Variants in HTT observed in about 807,000 individuals in gnomAD.
HTT encodes the protein huntingtin.
Under a neutral mutation model 362.3 loss-of-function variants are expected in HTT, and 104 were observed. The observed-to-expected ratio is 0.29, with a 90% CI of 0.24 to 0.34. HTT has a LOEUF of 0.34. Among genes scored for constraint, HTT ranks in the 10% least tolerant of loss-of-function variants. The probability of loss-of-function intolerance (pLI) is 1.00; values close to 1 mark genes in which losing one functional copy is unlikely to be tolerated. For synonymous variants in HTT, 1,577 were observed against 1,548.7 expected, an observed-to-expected ratio of 1.02 and a Z score of -0.43; for missense variants, 3,301 against 3,928.6, an observed-to-expected ratio of 0.84 and a Z score of 4.27.
chr4:3,224,715 CTG>C (rs201714233), intron 56 of HTT, among the ~76,000 whole-genome samples: 2,179 of 152,344 alleles, frequency 0.014, 22 homozygotes, highest in Non-Finnish European at 0.022. Context: ...GCGTAGAGCT[CTG>C]TGATTCCGTA....
chr4:3,215,289 G>A (rs749987535), intron 51 of HTT, 78 bp downstream of exon 51: 142 of 1,065,540 alleles, frequency 1.3e-4, no homozygotes, highest in African/African-American at 3.1e-4. Context: ...CGTGCACCGC[G>A]GTGAGTGTGG....
chr4:3,223,089 CAG>C (rs767726846), intron 54 of HTT, among the ~76,000 whole-genome samples: 17 of 152,190 alleles, frequency 1.1e-4, no homozygotes, highest in Non-Finnish European at 1.2e-4. Context: ...TAGAAGCTAA[CAG>C]GGTGTCATAA....
intron 3 of HTT, among the ~76,000 whole-genome samples, 172 bp downstream of exon 3, chr4:3,099,566 G>T (rs1294380874): frequency 6.6e-6 from 1 of 151,122 alleles, no homozygotes. Flanking sequence ...GTGCTCTGTT[G>T]TATGGTTTGG....
chr4:3,132,769 GT>G (rs1180519830), intron 17 of HTT, 44 bp from the exon 18 acceptor site: 1 of 1,612,886 alleles, frequency 6.2e-7, no homozygotes, highest in Non-Finnish European at 8.5e-7. Context: ...GCTTACTAAG[GT>G]TTAAGTTTAG....
intron 54 of HTT, among the ~76,000 whole-genome samples, chr4:3,222,694 A>C (rs1578603480): frequency 6.6e-6 from 1 of 152,208 alleles, no homozygotes; most frequent in African/African-American, 2.4e-5. Context: ...CAATGGCTGG[A>C]ATGCATTTTA....
intron 24 of HTT, among the ~76,000 whole-genome samples, chr4:3,146,574 C>A (rs1173495596): frequency 6.6e-6 from 1 of 152,064 alleles, no homozygotes; most frequent in Non-Finnish European, 1.5e-5. Flanking sequence ...ACACTTAGGC[C>A]CCAATACTTT....
At chr4:3,094,604 C>T (rs1186673079) in intron 2 of HTT, among the ~76,000 whole-genome samples, 4 of 142,762 alleles carry the variant, frequency 2.8e-5, no homozygotes, top group East Asian at 2.1e-4. Flanking sequence ...ACCTCCCGGA[C>T]GGGGCGGCTG....
At chr4:3,233,675 T>C (rs563680556) in intron 61 of HTT, among the ~76,000 whole-genome samples, 19 of 152,330 alleles carry the variant, frequency 1.2e-4, no homozygotes, top group African/African-American at 4.1e-4. Flanking sequence ...AGAACCCTGT[T>C]ATTACCCAGG....
rs1277829732 is a variant in HTT at position 3,228,123 on chromosome 4, G to A, written c.7849-492G>A. Among the ~76,000 whole-genome samples the A allele has an allele frequency of 2.6e-5, 4 of 152,310 alleles. No individual in the cohort carries two copies. Among genetic ancestry groups the A allele is most frequent in the Non-Finnish European group, 4.4e-5 (3 of 68,020 alleles). On this transcript the variant is annotated intron_variant, in intron 57 of 66. Coordinates refer to ENST00000355072, the MANE Select transcript of HTT (RefSeq NM_001388492.1). This position sits in a 1 kb window ranked among gnomAD's most constrained non-coding sequence, Gnocchi z 4.3. ...CTGTGCCAAGTGCTCGAGGCTTCCCGAGAACCAGGCAGAAAGGAGGACAGT... is the reference window on the plus strand; with the variant it reads ...CTGTGCCAAGTGCTCGAGGCTTCCCAAGAACCAGGCAGAAAGGAGGACAGT...
At chr4:3,180,214 A>G (rs1047208203) in intron 35 of HTT, among the ~76,000 whole-genome samples, 2 of 152,150 alleles carry the variant, frequency 1.3e-5, no homozygotes, top group Admixed American at 6.5e-5. Context: ...GGAAAGTTTT[A>G]TCATTTTCAA....
At chr4:3,143,452 A>G (rs1424128369) in intron 23 of HTT, among the ~76,000 whole-genome samples, 3 of 149,696 alleles carry the variant, frequency 2.0e-5, no homozygotes, top group Non-Finnish European at 4.4e-5. Context: ...AAAAAAAAAA[A>G]AAAGAAAAGA....
intron 21 of HTT, among the ~76,000 whole-genome samples, chr4:3,138,030 C>T (rs897502204): frequency 8.6e-5 from 13 of 151,996 alleles, no homozygotes; most frequent in Admixed American, 4.6e-4. Context: ...AATTTTGGTA[C>T]TTACTGTGAA....
Position 3,240,784 on chromosome 4 carries a change from G to A in HTT, c.*725G>A, listed in dbSNP as rs1721770103. On this transcript the variant is annotated 3_prime_UTR_variant, in exon 67 of 67. Transcript: ENST00000355072. Reference sequence around the variant, plus strand: ...CTGTAGCCACTGGCATAGCCCTCCTGAGCACCCGCTGACATTTCCGTTGTA... The same window carrying A: ...CTGTAGCCACTGGCATAGCCCTCCTAAGCACCCGCTGACATTTCCGTTGTA... The A allele has an allele frequency of 6.5e-6, 1 of 152,842 alleles. No homozygotes were observed. Among genetic ancestry groups the A allele is most frequent in the African/African-American group, 2.4e-5 (1 of 41,456 alleles). 9.5% of individuals were successfully genotyped at this position (152,842 alleles called of 1,614,324 possible).
rs750176644 is a variant in HTT at position 3,212,680 on chromosome 4, A to G, written c.6745A>G (p.Ile2249Val). Residue 2249 changes from isoleucine to valine, a missense_variant, in exon 49 of 67, where the codon ATT becomes GTT. Ile to Val is a conservative substitution (Grantham distance 29). Coordinates refer to ENST00000355072, the MANE Select transcript of HTT (RefSeq NM_001388492.1). ...CCTTCCTCCTGAGAAAGAGAAGGACATTGTGAAATTCGTGGTGGCAACCCT... is the reference window on the plus strand; with the variant it reads ...CCTTCCTCCTGAGAAAGAGAAGGACGTTGTGAAATTCGTGGTGGCAACCCT... ...LHLPPEKEKDIVKFVVATLEA... is the reference protein window; with the variant it reads ...LHLPPEKEKDVVKFVVATLEA... 2.5e-6 allele frequency: 4 copies of G among 1,614,220 alleles called. No homozygotes were observed. The highest frequency in any genetic ancestry group is 4.5e-5 in the East Asian group (2 of 44,886).
At chr4:3,188,032 C>G in intron 39 of HTT, 146 bp downstream of exon 39, 2 of 610,428 alleles carry the variant, frequency 3.3e-6, no homozygotes, top group South Asian at 4.0e-5. Context: ...ATTTTCTAAT[C>G]CGTCCTGCAT....
chr4:3,177,134 G>A (rs1718279226), intron 33 of HTT, among the ~76,000 whole-genome samples, 198 bp from the exon 34 acceptor site: 1 of 152,232 alleles, frequency 6.6e-6, no homozygotes, highest in Non-Finnish European at 1.5e-5. Context: ...TCAGGGTATA[G>A]TAAAGTTGTT....
Position 3,229,943 on chromosome 4 carries a change from G to A in HTT, c.8166G>A (p.Val2722=), listed in dbSNP as rs1375837164. The A allele has an allele frequency of 5.0e-6, 8 of 1,614,036 alleles. No individual in the cohort carries two copies. Among genetic ancestry groups the A allele is most frequent in the Admixed American group, 3.3e-5 (2 of 60,004 alleles). Reference sequence around the variant, plus strand: ...GCAACCAGTTTGAGCTGATGTATGTGACGCTGACAGAACTGCGAAGGGTGC... The same window carrying A: ...GCAACCAGTTTGAGCTGATGTATGTAACGCTGACAGAACTGCGAAGGGTGC... ...TERNQFELMY[V]TLTELRRVHP... The change falls in exon 60 of 67, where the codon GTG becomes GTA. Residue 2722 remains valine, a synonymous_variant. Transcript: ENST00000355072.
chr4:3,157,158 A>G lies in HTT; in HGVS notation c.3712A>G (p.Lys1238Glu). The G allele has an allele frequency of 6.2e-7, 1 of 1,613,874 alleles. No homozygotes were observed. Among genetic ancestry groups the G allele is most frequent in the South Asian group, 1.1e-5 (1 of 91,062 alleles). ...GSFYHLPSYL[K>E]LHDVLKATHA... ...TTTCTATCATCTTCCTTCATACCTC[A>G]AACTGCATGATGTCCTGAAAGCTAC... The change falls in exon 28 of 67, where the codon AAA becomes GAA. Residue 1238 changes from lysine (K) to glutamate (E), a missense_variant. Transcript: ENST00000355072.
intron 1 of HTT, among the ~76,000 whole-genome samples, chr4:3,080,097 C>CT (rs1159368441): frequency 1.0e-3 from 150 of 144,592 alleles, no homozygotes; most frequent in Admixed American, 1.9e-3. Context: ...CAGGCTCTTT[C>CT]TTTTTTTTTT....
Sources: allele counts gnomAD v4.1 joint callset (sites outside exome capture counted in the v4.1 genomes callset), GRCh38; gene constraint gnomAD v4.1.1; non-coding constraint Gnocchi (gnomAD v3.1); transcripts MANE v1.5; gene names NCBI Gene and HGNC (gene_info 2026-07-23, HGNC 2026-07-21).